Variants in COMMD10 observed in about 807,000 individuals in gnomAD.
COMMD10 encodes the protein COMM domain containing 10.
In COMMD10, 33 loss-of-function variants were observed where a neutral mutation model predicts 28.9. The ratio of observed to expected loss-of-function variants is 1.14; its 90% CI spans 0.87 to 1.53. The LOEUF (loss-of-function observed/expected upper bound fraction) is 1.53, where lower values mean the gene tolerates loss of function less well. Ranked by LOEUF, COMMD10 falls within the 40% of genes most tolerant of loss-of-function variation. The pLI, the probability that COMMD10 is intolerant of heterozygous loss-of-function variation, is 0.00. For synonymous variants in COMMD10, 110 were observed against 81.7 expected, an observed-to-expected ratio of 1.35 and a Z score of -1.87; for missense variants, 310 against 233.4, an observed-to-expected ratio of 1.33 and a Z score of -2.14.
rs1421713937 is a variant in COMMD10 at position 116,092,513 on chromosome 5, G to T, written c.244-32G>T. ...TTAAAGTTTCAGTATGAAGATGAGG[G>T]ACATATGTAATTTTTTGTTTCTTTT... On this transcript the variant is annotated intron_variant, in intron 3 of 6. Coordinates refer to ENST00000274458, the MANE Select transcript of COMMD10 (RefSeq NM_016144.4). 4.7e-6 allele frequency: 7 copies of T among 1,501,052 alleles called. No homozygotes were observed. In the Admixed American group the frequency reaches 1.5e-4, roughly 31 times the overall value. The allele number at this position is 1,501,052 out of a possible 1,614,324, so 93.0% of individuals were successfully genotyped here. A position where few individuals can be genotyped will look rare whatever the true frequency, so the allele number is the denominator to read the frequency against.
At chr5:116,200,694 T>G (rs1486147068) in intron 5 of COMMD10, among the ~76,000 whole-genome samples, 1 of 152,150 alleles carries the variant, frequency 6.6e-6, no homozygotes, top group Non-Finnish European at 1.5e-5. Context: ...TCCTGAGTTT[T>G]GTCCATTCAA....
intron 5 of COMMD10, among the ~76,000 whole-genome samples, chr5:116,174,547 A>G (rs1753438957): frequency 6.6e-6 from 1 of 152,208 alleles, no homozygotes; most frequent in Non-Finnish European, 1.5e-5. Context: ...ATAACCATTC[A>G]GTCACGAGAT....
At chr5:116,147,593 G>C (rs2112546478) in intron 5 of COMMD10, among the ~76,000 whole-genome samples, 1 of 151,918 alleles carries the variant, frequency 6.6e-6, no homozygotes, top group South Asian at 2.1e-4. Context: ...GAAACTGTAT[G>C]TTGTGATTGT....
chr5:116,190,968 TAATAAGCAC>T (rs1748350478), intron 5 of COMMD10, among the ~76,000 whole-genome samples: 1 of 152,232 alleles, frequency 6.6e-6, no homozygotes, highest in African/African-American at 2.4e-5. Flanking sequence ...ATTTTATTTA[TAATAAGCAC>T]TTTTCTACAT....
intron 5 of COMMD10, among the ~76,000 whole-genome samples, chr5:116,207,630 A>C (rs193094043): frequency 1.8e-4 from 28 of 152,072 alleles, no homozygotes; most frequent in Admixed American, 1.8e-3. Context: ...GGTTCAAGCG[A>C]TTCTTATGCC....
chr5:116,245,961 CA>C (rs2112668162), intron 5 of COMMD10, among the ~76,000 whole-genome samples: 1 of 152,226 alleles, frequency 6.6e-6, no homozygotes, highest in East Asian at 1.9e-4. Flanking sequence ...TCCTATTCAA[CA>C]TAGTATTGGA....
At chr5:116,133,584 A>G (rs1022275512) in intron 4 of COMMD10, among the ~76,000 whole-genome samples, 10 of 152,162 alleles carry the variant, frequency 6.6e-5, no homozygotes, top group African/African-American at 2.4e-4. Flanking sequence ...GTTTCCCTCT[A>G]AATTAAAAAG....
Position 116,292,547 on chromosome 5 carries a change from A to C in COMMD10, c.*58A>C. 7.0e-7 allele frequency: 1 copy of C among 1,427,066 alleles called. No homozygotes were observed. The highest frequency in any genetic ancestry group is 9.6e-7 in the Non-Finnish European group (1 of 1,041,916). The allele number at this position is 1,427,066 out of a possible 1,614,324, so 88.4% of individuals were successfully genotyped here. ...CTGCCACCTCATTATTTTGCATTGAAGATACATTGCCAGGTTGTGTTTTCT... is the reference window on the plus strand; with the variant it reads ...CTGCCACCTCATTATTTTGCATTGACGATACATTGCCAGGTTGTGTTTTCT... On this transcript the variant is annotated 3_prime_UTR_variant, in exon 7 of 7. Transcript: ENST00000274458.
At chr5:116,274,015 A>T (rs1195564645) in intron 5 of COMMD10, among the ~76,000 whole-genome samples, 1 of 151,718 alleles carries the variant, frequency 6.6e-6, no homozygotes, top group Non-Finnish European at 1.5e-5. Flanking sequence ...GAGCTAAGTG[A>T]TGTATTTTAT....
At chr5:116,109,541 C>T (rs1362313041) in intron 4 of COMMD10, among the ~76,000 whole-genome samples, 1 of 152,158 alleles carries the variant, frequency 6.6e-6, no homozygotes, top group Non-Finnish European at 1.5e-5. Flanking sequence ...TTGCAGTGAG[C>T]CGAGATAGTG....
intron 5 of COMMD10, among the ~76,000 whole-genome samples, chr5:116,142,095 C>G (rs1752212933): frequency 6.6e-6 from 1 of 151,692 alleles, no homozygotes; most frequent in Non-Finnish European, 1.5e-5. Flanking sequence ...GCAGGTAATC[C>G]ATTTGTTTTA....
At chr5:116,267,597 A>G (rs1374305001) in intron 5 of COMMD10, among the ~76,000 whole-genome samples, 1 of 151,898 alleles carries the variant, frequency 6.6e-6, no homozygotes, top group Non-Finnish European at 1.5e-5. Flanking sequence ...GGAAAAAACT[A>G]CTTTAAAGTT....
At chr5:116,128,556 G>A (rs1325223279) in intron 4 of COMMD10, among the ~76,000 whole-genome samples, 1 of 151,608 alleles carries the variant, frequency 6.6e-6, no homozygotes, top group African/African-American at 2.4e-5. Flanking sequence ...CTCTATACTG[G>A]GTTTTATTTC....
intron 5 of COMMD10, among the ~76,000 whole-genome samples, chr5:116,264,025 A>T (rs1750518793): frequency 6.6e-6 from 1 of 151,810 alleles, no homozygotes; most frequent in South Asian, 2.1e-4. Flanking sequence ...ATTAAGAGTT[A>T]GACAGCTAGA....
intron 5 of COMMD10, among the ~76,000 whole-genome samples, chr5:116,278,620 A>T (rs1470102095): frequency 6.6e-6 from 1 of 151,866 alleles, no homozygotes; most frequent in East Asian, 1.9e-4. Flanking sequence ...ATTTCATGAA[A>T]ATATTTCATG....
At chr5:116,106,240 C>T (rs1750835171) in intron 4 of COMMD10, among the ~76,000 whole-genome samples, 1 of 151,848 alleles carries the variant, frequency 6.6e-6, no homozygotes, top group South Asian at 2.1e-4. Flanking sequence ...ATTTCGTTTT[C>T]TACCCAGTAG....
intron 5 of COMMD10, among the ~76,000 whole-genome samples, chr5:116,234,281 C>T (rs1561679360): frequency 6.6e-6 from 1 of 152,110 alleles, no homozygotes; most frequent in Admixed American, 6.6e-5. Context: ...CCATTGGACA[C>T]CTATGTCAAT....
At chr5:116,116,402 T>G (rs1751234767) in intron 4 of COMMD10, among the ~76,000 whole-genome samples, 1 of 152,236 alleles carries the variant, frequency 6.6e-6, no homozygotes, top group African/African-American at 2.4e-5. Context: ...AAAAGCATAC[T>G]TTATGCAGCT....
intron 4 of COMMD10, among the ~76,000 whole-genome samples, chr5:116,128,298 C>G (rs191254470): frequency 1.5e-4 from 23 of 151,966 alleles, no homozygotes; most frequent in Non-Finnish European, 2.1e-4. Flanking sequence ...AAGTGAGATG[C>G]CTAACTACTG....
Sources: allele counts gnomAD v4.1 joint callset (sites outside exome capture counted in the v4.1 genomes callset), GRCh38; gene constraint gnomAD v4.1.1; transcripts MANE v1.5; gene names NCBI Gene and HGNC (gene_info 2026-07-23, HGNC 2026-07-21).